The following DOCK5 variants were observed in gnomAD, a reference collection of about 807,000 sequenced individuals.
DOCK5 encodes dedicator of cytokinesis 5.
Under a neutral mutation model 251.8 loss-of-function variants are expected in DOCK5, and 142 were observed. The observed-to-expected ratio is 0.56, with a 90% CI of 0.49 to 0.65. The LOEUF (loss-of-function observed/expected upper bound fraction) is 0.65. DOCK5 is among the 30% of genes least tolerant of loss of function. The probability of loss-of-function intolerance (pLI) is 0.00; values close to 1 mark genes in which losing one functional copy is unlikely to be tolerated. For synonymous variants in DOCK5, 842 were observed against 835.5 expected (o/e 1.01, Z -0.13); for missense variants, 2,111 against 2,312.3 (o/e 0.91, Z 1.79).
In DOCK5 at chr8:25,308,895, G is replaced by A; in HGVS notation, c.1162G>A (p.Ala388Thr). ...CACTTCAGTCTTGAATAAAGTGATT[G>A]CAGCAAAGGAAGTGAATCACAAAGG... ...PLTSVLNKVIAAKEVNHKGQG... is the reference protein window; with the variant it reads ...PLTSVLNKVITAKEVNHKGQG... The change falls in exon 12 of 52, where the codon GCA becomes ACA. Residue 388 changes from alanine to threonine, a missense_variant. Coordinates refer to ENST00000276440, the MANE Select transcript of DOCK5 (RefSeq NM_024940.8). 6 of 1,613,814 alleles carry A rather than the reference G, an allele frequency of 3.7e-6. No homozygotes were observed. The highest frequency in any genetic ancestry group is 4.2e-6 in the Non-Finnish European group (5 of 1,179,766).
intron 43 of DOCK5, 67 bp downstream of exon 43, chr8:25,392,047 T>A: frequency 6.8e-7 from 1 of 1,466,658 alleles, no homozygotes; most frequent in Non-Finnish European, 9.4e-7. Flanking sequence ...CTCACGCCTG[T>A]AATCCCAGCA....
At chr8:25,379,030 C>T (rs1053216471) in intron 38 of DOCK5, among the ~76,000 whole-genome samples, 1 of 152,130 alleles carries the variant, frequency 6.6e-6, no homozygotes, top group Non-Finnish European at 1.5e-5. Context: ...TCACATACTT[C>T]AAGGGGCAAA....
chr8:25,213,557 T>C (rs1802156883), intron 1 of DOCK5, among the ~76,000 whole-genome samples: 1 of 152,118 alleles, frequency 6.6e-6, no homozygotes, highest in East Asian at 1.9e-4. Context: ...TACTCTTGTT[T>C]AGGGTCTGGC....
At chr8:25,322,260 C>T (rs1037732725) in intron 16 of DOCK5, among the ~76,000 whole-genome samples, 6 of 152,086 alleles carry the variant, frequency 3.9e-5, no homozygotes, top group East Asian at 1.9e-4. Context: ...TGGTTATGTA[C>T]GGAATAGTAT....
chr8:25,276,606 A>C (rs1804047033), intron 4 of DOCK5, among the ~76,000 whole-genome samples: 1 of 152,142 alleles, frequency 6.6e-6, no homozygotes, highest in Non-Finnish European at 1.5e-5. Flanking sequence ...ATGCAGCCTC[A>C]CAGCTAGAAA....
chr8:25,361,000 A>G (rs1311130462), intron 28 of DOCK5, among the ~76,000 whole-genome samples: 1 of 152,096 alleles, frequency 6.6e-6, no homozygotes, highest in African/African-American at 2.4e-5. Flanking sequence ...ACTTGCCTGA[A>G]TTTAGTCCCC....
At chr8:25,215,388 GGA>G (rs138987669) in intron 1 of DOCK5, among the ~76,000 whole-genome samples, 2 of 151,792 alleles carry the variant, frequency 1.3e-5, no homozygotes, top group African/African-American at 2.4e-5. Flanking sequence ...TAGAGGCTGG[GGA>G]GAGAGAGAGA....
intron 1 of DOCK5, among the ~76,000 whole-genome samples, chr8:25,190,043 C>T (rs558820291): frequency 3.9e-5 from 6 of 152,290 alleles, no homozygotes; most frequent in African/African-American, 1.2e-4. Context: ...CACGCCACCA[C>T]GCCCGGCCAG....
intron 3 of DOCK5, among the ~76,000 whole-genome samples, chr8:25,274,438 G>A (rs138526190): frequency 2.4e-4 from 36 of 152,360 alleles, no homozygotes; most frequent in African/African-American, 8.7e-4. Flanking sequence ...ATATCACACA[G>A]TAAACAGCAG....
intron 8 of DOCK5, among the ~76,000 whole-genome samples, chr8:25,299,872 A>G (rs1448650376): frequency 6.6e-6 from 1 of 152,232 alleles, no homozygotes. Context: ...AAATTTTTTA[A>G]TGTCAATGTG....
At position 25,195,324 on chromosome 8, in the gene DOCK5, C is replaced by A. The variant is rs1373192827; in HGVS notation, c.43+10373C>A. Among the ~76,000 whole-genome samples the A allele has an allele frequency of 4.1e-5, 6 of 147,648 alleles. No homozygotes were observed. The Admixed American group carries it at 4.1e-4, about 10-fold the overall frequency. On this transcript the variant is annotated intron_variant, in intron 1 of 51. Transcript: ENST00000276440. ...CCCAGGCTGGTCTTGAACTCCTGGC[C>A]TCAAGTGATTCTCCTGCCTCAGCCT...
chr8:25,329,042 ATC>A (rs1166926098), intron 18 of DOCK5, among the ~76,000 whole-genome samples: 3 of 152,108 alleles, frequency 2.0e-5, no homozygotes, highest in Non-Finnish European at 4.4e-5. Flanking sequence ...AGTCTCCAAG[ATC>A]TGTTTGTTAC....
intron 1 of DOCK5, among the ~76,000 whole-genome samples, chr8:25,203,790 T>C (rs371568333): frequency 3.9e-5 from 6 of 152,212 alleles, no homozygotes; most frequent in African/African-American, 1.4e-4. Context: ...TTGCCTTTTT[T>C]CGCCTCTCTT....
chr8:25,232,129 CT>C (rs1802681821), intron 1 of DOCK5, among the ~76,000 whole-genome samples: 1 of 152,180 alleles, frequency 6.6e-6, no homozygotes, highest in Non-Finnish European at 1.5e-5. Flanking sequence ...GTTCTGTTGC[CT>C]GATCTATGTC....
Position 25,372,568 on chromosome 8 carries a change from A to G in DOCK5, c.3534A>G (p.Glu1178=), listed in dbSNP as rs1800892124. The change falls in exon 35 of 52, where the codon GAA becomes GAG. Residue 1178 remains glutamate, a synonymous_variant. Coordinates refer to ENST00000276440, the MANE Select transcript of DOCK5 (RefSeq NM_024940.8). ...YKVLLEKLLL[E]HCRKHKYLSS... ...CCCTCCGCCCCTCCAGGCTCCTAGAACATTGCCGGAAACACAAATACCTCT... is the reference window on the plus strand; with the variant it reads ...CCCTCCGCCCCTCCAGGCTCCTAGAGCATTGCCGGAAACACAAATACCTCT... 1 of 1,580,722 alleles carries G rather than the reference A, an allele frequency of 6.3e-7. No homozygotes were observed.
chr8:25,364,674 C>A lies in DOCK5; in HGVS notation c.3093C>A (p.Phe1031Leu), dbSNP rs1328525456. Residue 1031 changes from phenylalanine to leucine, a missense_variant, in exon 30 of 52, where the codon TTC becomes TTA. Around this residue, in one of 3 missense-constraint regions of DOCK5, gnomAD observed 1,717 missense variants for 1,892.4 expected, o/e 0.91. Transcript: ENST00000276440. ...AGTTTGCTGAAGTTCTCACAAGATT[C>A]TTCATGGATCAGGCAAGCTTTGAAC... ...INQFAEVLTR[F>L]FMDQASFELQ... 6.3e-7 allele frequency: 1 copy of A among 1,599,254 alleles called. No individual in the cohort carries two copies. Among genetic ancestry groups the A allele is most frequent in the Admixed American group, 1.7e-5 (1 of 58,498 alleles).
At chr8:25,292,231 G>A (rs1412886318) in intron 6 of DOCK5, 59 bp downstream of exon 6, 15 of 1,470,864 alleles carry the variant, frequency 1.0e-5, no homozygotes, top group Non-Finnish European at 9.9e-6. Context: ...GCATGTTCAC[G>A]CTAATGACAC....
rs542950242 is a variant in DOCK5 at position 25,412,674 on chromosome 8, G to C, written c.*1376G>C. 1.3e-3 allele frequency: 195 copies of C among 152,346 alleles called. 1 individual carries two copies. Among genetic ancestry groups the C allele is most frequent in the African/African-American group, 4.6e-3 (190 of 41,564 alleles). The allele number at this position is 152,346 out of a possible 1,614,324, so 9.4% of individuals were successfully genotyped here. A position where few individuals can be genotyped will look rare whatever the true frequency, so the allele number is the denominator to read the frequency against. ...GACTGTGAAGGCAGAGGTCAGCACT[G>C]GGGGAAACTTGCTGGTGGTCTCTCC... On this transcript the variant is annotated 3_prime_UTR_variant, in exon 52 of 52. Coordinates refer to ENST00000276440, the MANE Select transcript of DOCK5 (RefSeq NM_024940.8).
chr8:25,317,768 G>A (rs1175861669), intron 14 of DOCK5, among the ~76,000 whole-genome samples: 7 of 152,062 alleles, frequency 4.6e-5, no homozygotes, highest in African/African-American at 2.4e-5. Flanking sequence ...CCACCACCAC[G>A]CCCGGCTAAT....
Sources: allele counts gnomAD v4.1 joint callset (sites outside exome capture counted in the v4.1 genomes callset), GRCh38; gene constraint gnomAD v4.1.1; regional missense constraint gnomAD v4.1.1; transcripts MANE v1.5; gene names NCBI Gene and HGNC (gene_info 2026-07-23, HGNC 2026-07-21).